Variants in IHO1 observed in about 807,000 individuals in gnomAD.
IHO1 encodes the protein interactor of HORMAD1 1, also known as interactor of HORMAD1 protein 1.
IHO1 carries 13 observed loss-of-function variants against 31.0 expected under a neutral mutation model. The observed-to-expected ratio is 0.42, with a 90% CI of 0.27 to 0.67. The LOEUF (loss-of-function observed/expected upper bound fraction) is 0.67, where lower values mean the gene tolerates loss of function less well. Among genes scored for constraint, IHO1 ranks in the 30% least tolerant of loss-of-function variants. The pLI is 0.24. For missense variants in IHO1, 599 were observed against 687.5 expected, an observed-to-expected ratio of 0.87 and a Z score of 1.44; for synonymous variants, 221 against 248.4, an observed-to-expected ratio of 0.89 and a Z score of 1.04.
chr3:49,242,198 C>T (rs904837555), intron 4 of IHO1, among the ~76,000 whole-genome samples: 9 of 152,226 alleles, frequency 5.9e-5, no homozygotes, highest in Non-Finnish European at 1.0e-4. Context: ...CCACTTCGGC[C>T]TCCCAAAGTG....
intron 2 of IHO1, among the ~76,000 whole-genome samples, chr3:49,214,783 G>A (rs1037015386): frequency 6.7e-6 from 1 of 149,234 alleles, no homozygotes; most frequent in African/African-American, 2.5e-5. Flanking sequence ...GGGATTACAG[G>A]TGCCTGCCAC....
rs553273370 is a variant in IHO1, at chr3:49,258,078, T to A, written c.*796T>A. The A allele has an allele frequency of 1.3e-5, 2 of 152,338 alleles. No individual in the cohort carries two copies. Among genetic ancestry groups the A allele is most frequent in the African/African-American group, 4.8e-5 (2 of 41,572 alleles). 9.4% of individuals were successfully genotyped at this position (152,338 alleles called of 1,614,324 possible). A position where few individuals can be genotyped will look rare whatever the true frequency, so the allele number is the denominator to read the frequency against. On this transcript the variant is annotated 3_prime_UTR_variant, in exon 8 of 8. Transcript: ENST00000452691. ...TTTGCAACACAAGTATTTTTTGTTA[T>A]CAGAAATAAGATAAAACATTTAAAA...
chr3:49,230,020 A>G (rs1324428582), intron 2 of IHO1, among the ~76,000 whole-genome samples: 1 of 152,206 alleles, frequency 6.6e-6, no homozygotes, highest in African/African-American at 2.4e-5. Context: ...GTGGAAAGAC[A>G]AAGTTCCTGC....
At chr3:49,221,472 C>G (rs1559442538) in intron 2 of IHO1, among the ~76,000 whole-genome samples, 2 of 152,196 alleles carry the variant, frequency 1.3e-5, no homozygotes. Context: ...TCTCCAAGTC[C>G]CCACTCGACC....
At chr3:49,215,447 G>A (rs1434231607) in intron 2 of IHO1, among the ~76,000 whole-genome samples, 1 of 152,168 alleles carries the variant, frequency 6.6e-6, no homozygotes, top group Non-Finnish European at 1.5e-5. Flanking sequence ...TGGCCCAAGA[G>A]GAAAATCATA....
chr3:49,204,492 T>TC (rs1177273060), intron 1 of IHO1, among the ~76,000 whole-genome samples: 1 of 152,022 alleles, frequency 6.6e-6, no homozygotes, highest in Non-Finnish European at 1.5e-5. Context: ...TGTGAAGGGA[T>TC]CCCCCCAAAA....
At chr3:49,213,654 C>G (rs1000847572) in intron 2 of IHO1, among the ~76,000 whole-genome samples, 9 of 152,220 alleles carry the variant, frequency 5.9e-5, no homozygotes, top group Admixed American at 4.6e-4. Flanking sequence ...GCTGGAGGAC[C>G]CGGTGCACCC....
chr3:49,244,788 G>T (rs1159201289), intron 6 of IHO1, 55 bp downstream of exon 6: 2 of 1,476,374 alleles, frequency 1.4e-6, no homozygotes, highest in Admixed American at 1.7e-5. Flanking sequence ...TGATGAACAT[G>T]AACTTTCTGA....
rs530852063 is a variant in IHO1 at position 49,228,090 on chromosome 3, G to A, written c.57-8458G>A. Among the ~76,000 whole-genome samples the A allele has an allele frequency of 2.6e-5, 4 of 152,294 alleles. No individual in the cohort carries two copies. In the East Asian group the frequency reaches 7.7e-4, roughly 29 times the overall value. ...AGGACTAGCCTCGGAGAAGAGAGGTGAGAGAAAGTTTATCTGACAAGCATT... is the reference window on the plus strand; with the variant it reads ...AGGACTAGCCTCGGAGAAGAGAGGTAAGAGAAAGTTTATCTGACAAGCATT... On this transcript the variant is annotated intron_variant, in intron 2 of 7. Coordinates refer to ENST00000452691, the MANE Select transcript of IHO1 (RefSeq NM_001135197.2).
chr3:49,225,499 G>T (rs943320070), intron 2 of IHO1, among the ~76,000 whole-genome samples: 1 of 152,140 alleles, frequency 6.6e-6, no homozygotes, highest in African/African-American at 2.4e-5. Context: ...CTGTGGGAAG[G>T]CTTAAGGCTG....
In IHO1 at chr3:49,212,020, C is replaced by T. The variant is rs565552717; in HGVS notation, c.56+184C>T. Among the ~76,000 whole-genome samples, 22 of 152,082 alleles carry T rather than the reference C, an allele frequency of 1.4e-4. No individual in the cohort carries two copies. In the South Asian group the frequency reaches 1.9e-3, roughly 13 times the overall value. On this transcript the variant is annotated intron_variant, in intron 2 of 7. Transcript: ENST00000452691. ...TACTAAAAATACAAAAAAATTTAGCCGGGCATGGTGGCGGGTGCCTATAGT... is the reference window on the plus strand; with the variant it reads ...TACTAAAAATACAAAAAAATTTAGCTGGGCATGGTGGCGGGTGCCTATAGT...
At chr3:49,196,786 T>C (rs1462189102), upstream of IHO1, among the ~76,000 whole-genome samples, 1 of 151,532 alleles carries the variant, frequency 6.6e-6, no homozygotes, top group Non-Finnish European at 1.5e-5. Context: ...TTCTCCTGCC[T>C]CAGCCTCCCA....
At chr3:49,251,097 T>C (rs2046754447) in intron 6 of IHO1, among the ~76,000 whole-genome samples, 1 of 151,924 alleles carries the variant, frequency 6.6e-6, no homozygotes, top group African/African-American at 2.4e-5. Context: ...CGTCTCAATA[T>C]ATTTTACTTA....
intron 2 of IHO1, among the ~76,000 whole-genome samples, chr3:49,233,034 C>T (rs1479151176): frequency 6.6e-6 from 1 of 152,066 alleles, no homozygotes; most frequent in Non-Finnish European, 1.5e-5. Flanking sequence ...AATGAATGTA[C>T]TTGTTTGGGA....
chr3:49,191,663 T>C, the IHO1 span: 7 of 1,485,996 alleles, frequency 4.7e-6, no homozygotes, highest in Non-Finnish European at 5.6e-6. Context: ...GAAAACCTTT[T>C]CACTTCACCG....
chr3:49,253,447 A>G (rs2046786208), intron 6 of IHO1, among the ~76,000 whole-genome samples: 2 of 151,998 alleles, frequency 1.3e-5, no homozygotes. Flanking sequence ...AAGAAAGAAA[A>G]AAGAATTCAA....
chr3:49,192,663 G>C, the IHO1 span, among the ~76,000 whole-genome samples: 1 of 151,942 alleles, frequency 6.6e-6, no homozygotes, highest in Admixed American at 6.6e-5. Context: ...TTGGGAGGCC[G>C]AGGTGGGCAA....
At chr3:49,204,538 A>T (rs193227949) in intron 1 of IHO1, among the ~76,000 whole-genome samples, 260 of 152,248 alleles carry the variant, frequency 1.7e-3, no homozygotes, top group African/African-American at 6.1e-3. Context: ...TTTGGTGATG[A>T]GGAGCTGTAA....
rs2046658069 is a variant in IHO1 at position 49,243,619 on chromosome 3, G to A, written c.396-785G>A. On this transcript the variant is annotated intron_variant, in intron 4 of 7. Transcript: ENST00000452691. Reference sequence around the variant, plus strand: ...TAAAAATTCAAAAAATTAGCCGGGCGTGGTGGCGGGAGCCTGTAGTCCCAG... The same window carrying A: ...TAAAAATTCAAAAAATTAGCCGGGCATGGTGGCGGGAGCCTGTAGTCCCAG... Among the ~76,000 whole-genome samples, 11 of 151,586 alleles carry A rather than the reference G, an allele frequency of 7.3e-5. 1 individual carries two copies. The South Asian group carries it at 2.1e-3, about 29-fold the overall frequency.
Sources: gnomAD v4.1 joint callset for allele counts (sites outside exome capture counted in the v4.1 genomes callset) on GRCh38, gnomAD v4.1.1 for gene constraint, MANE v1.5 for transcripts, NCBI Gene and HGNC (gene_info 2026-07-23, HGNC 2026-07-21) for gene names.